Variants in PSMA8 observed in about 807,000 individuals in gnomAD.
PSMA8 encodes proteasome subunit alpha-type 8.
PSMA8 carries 18 observed loss-of-function variants against 32.4 expected under a neutral mutation model. The ratio of observed to expected loss-of-function variants is 0.56; its 90% CI spans 0.38 to 0.82. The LOEUF (loss-of-function observed/expected upper bound fraction) is 0.82, where lower values mean the gene tolerates loss of function less well. Ranked by LOEUF, PSMA8 falls within the 40% of genes least tolerant of loss-of-function variation. PSMA8 has a pLI of 0.00. For synonymous variants in PSMA8, 104 were observed against 98.1 expected, an observed-to-expected ratio of 1.06 and a Z score of -0.36; for missense variants, 298 against 300.7, an observed-to-expected ratio of 0.99 and a Z score of 0.07.
At chr18:26,147,758 T>C (rs189022960) in intron 2 of PSMA8, among the ~76,000 whole-genome samples, 1 of 151,786 alleles carries the variant, frequency 6.6e-6, no homozygotes, top group Non-Finnish European at 1.5e-5. Context: ...AAGAGAAAAA[T>C]AACAAAACCA....
rs751644388 is a variant in PSMA8 at position 26,178,844 on chromosome 18, C to A, written c.492C>A (p.Gly164=). The A allele has an allele frequency of 6.2e-7, 1 of 1,611,738 alleles. No homozygotes were observed. The highest frequency in any genetic ancestry group is 1.1e-5 in the South Asian group (1 of 90,240). Reference sequence around the variant, plus strand: ...TATTTTTCAAGGCAAATGCAATAGGCCGAAGTGCTAAAACTGTTCGAGAAT... The same window carrying A: ...TATTTTTCAAGGCAAATGCAATAGGACGAAGTGCTAAAACTGTTCGAGAAT... ...TYHAWKANAI[G]RSAKTVREFL... is the part of the protein sequence containing the mutation. The change falls in exon 5 of 7, where the codon GGC becomes GGA. Residue 164 remains glycine (G), a synonymous_variant. Coordinates refer to ENST00000415576, the MANE Select transcript of PSMA8 (RefSeq NM_001025096.2).
chr18:26,142,980 A>C (rs1486602917), intron 1 of PSMA8, among the ~76,000 whole-genome samples: 1 of 152,166 alleles, frequency 6.6e-6, no homozygotes, highest in African/African-American at 2.4e-5. Context: ...ACATGGGAAA[A>C]CTTTTACAGA....
intron 1 of PSMA8, among the ~76,000 whole-genome samples, chr18:26,142,198 C>T (rs1334347696): frequency 6.6e-6 from 1 of 151,970 alleles, no homozygotes; most frequent in Non-Finnish European, 1.5e-5. Flanking sequence ...CGCCACCACG[C>T]CCGGCTGATT....
At chr18:26,138,129 C>G (rs1197658199) in intron 1 of PSMA8, among the ~76,000 whole-genome samples, 2 of 152,152 alleles carry the variant, frequency 1.3e-5, no homozygotes, top group East Asian at 3.9e-4. Flanking sequence ...AATGAGAGAC[C>G]TTGAAGTGTT....
At chr18:26,164,297 TAAAAG>T (rs1158486546) in intron 4 of PSMA8, among the ~76,000 whole-genome samples, 1 of 151,886 alleles carries the variant, frequency 6.6e-6, no homozygotes, top group Non-Finnish European at 1.5e-5. Context: ...AGATAAATAA[TAAAAG>T]AAAAGGGGAG....
intron 6 of PSMA8, 32 bp from the exon 7 acceptor site, chr18:26,192,287 C>T (rs1224559865): frequency 2.1e-6 from 3 of 1,423,928 alleles, no homozygotes; most frequent in Non-Finnish European, 2.8e-6. Context: ...GTATAACTGA[C>T]ATTTGATCTT....
At chr18:26,151,409 A>G (rs1171021639) in intron 2 of PSMA8, among the ~76,000 whole-genome samples, 5 of 152,204 alleles carry the variant, frequency 3.3e-5, no homozygotes, top group African/African-American at 1.2e-4. Flanking sequence ...GTTGAGAATT[A>G]ATCACATGAT....
intron 6 of PSMA8, among the ~76,000 whole-genome samples, chr18:26,191,313 T>C (rs1042673816): frequency 3.9e-5 from 6 of 152,174 alleles, no homozygotes; most frequent in Non-Finnish European, 7.4e-5. Flanking sequence ...TATATAAATG[T>C]ATTAACTTCA....
chr18:26,176,817 C>A (rs2055267508), intron 4 of PSMA8, among the ~76,000 whole-genome samples: 1 of 152,090 alleles, frequency 6.6e-6, no homozygotes, highest in Admixed American at 6.6e-5. Flanking sequence ...CCTATAATCC[C>A]AGCTACTCGG....
rs2055062543 is a variant in PSMA8, at chr18:26,153,485, TCAA to T, written c.354+1506_354+1508del. Among the ~76,000 whole-genome samples, 2 of 152,246 alleles carry T rather than the reference TCAA, an allele frequency of 1.3e-5. 1 individual carries two copies. The highest frequency in any genetic ancestry group is 4.1e-4 in the South Asian group (2 of 4,832). On this transcript the variant is annotated intron_variant, in intron 3 of 6. Coordinates refer to ENST00000415576, the MANE Select transcript of PSMA8 (RefSeq NM_001025096.2). Reference sequence around the variant, plus strand: ...GTATAAATGTATCCTTGAAGAATCATCAACATTAGGTTTTTCATTGTTCTTTTA... The same window carrying T: ...GTATAAATGTATCCTTGAAGAATCATCATTAGGTTTTTCATTGTTCTTTTA...
At chr18:26,155,232 CA>C (rs202149601) in intron 3 of PSMA8, among the ~76,000 whole-genome samples, 1 of 148,670 alleles carries the variant, frequency 6.7e-6, no homozygotes, top group Admixed American at 6.7e-5. Context: ...GAGACTCTGT[CA>C]AAAAAAAAGA....
At chr18:26,134,359 G>GTCTC in intron 1 of PSMA8, among the ~76,000 whole-genome samples, 1 of 133,950 alleles carries the variant, frequency 7.5e-6, no homozygotes, top group African/African-American at 3.8e-5. Flanking sequence ...GTGTGTGTGT[G>GTCTC]TGTGTCTCTG....
chr18:26,187,077 G>A (rs2055361479), intron 6 of PSMA8, among the ~76,000 whole-genome samples: 1 of 152,226 alleles, frequency 6.6e-6, no homozygotes, highest in African/African-American at 2.4e-5. Context: ...GGGCACCGTG[G>A]TTCATGCCTG....
chr18:26,192,616 G>T lies in PSMA8; in HGVS notation c.*205G>T. The T allele has an allele frequency of 2.4e-6, 1 of 421,204 alleles. No individual in the cohort carries two copies. Among genetic ancestry groups the T allele is most frequent in the Non-Finnish European group, 3.7e-6 (1 of 270,710 alleles). 26.1% of individuals were successfully genotyped at this position (421,204 alleles called of 1,614,324 possible). A position where few individuals can be genotyped will look rare whatever the true frequency, so the allele number is the denominator to read the frequency against. Reference sequence around the variant, plus strand: ...TATGTGAAGATTTTCTTTGAAAGGGGATTTCAGTAATTGTTGAGAGCAGTC... The same window carrying T: ...TATGTGAAGATTTTCTTTGAAAGGGTATTTCAGTAATTGTTGAGAGCAGTC... On this transcript the variant is annotated 3_prime_UTR_variant, in exon 7 of 7. Transcript: ENST00000415576.
At position 26,158,479 on chromosome 18, in the gene PSMA8, C is replaced by T. The variant is rs182090741; in HGVS notation, c.477+235C>T. Among the ~76,000 whole-genome samples the T allele has an allele frequency of 4.7e-4, 72 of 152,174 alleles. No individual in the cohort carries two copies. In the East Asian group the frequency reaches 7.5e-3, roughly 16 times the overall value. ...GACCAAAGTAAGTGTTTATAAATGGCCAAGTAAGAGAAATATCCAGTTCCT... is the reference window on the plus strand; with the variant it reads ...GACCAAAGTAAGTGTTTATAAATGGTCAAGTAAGAGAAATATCCAGTTCCT... On this transcript the variant is annotated intron_variant, in intron 4 of 6. Coordinates refer to ENST00000415576, the MANE Select transcript of PSMA8 (RefSeq NM_001025096.2).
rs1480252220 is a variant in PSMA8 at position 26,193,170 on chromosome 18, A to G, written c.*759A>G. The G allele has an allele frequency of 6.6e-6, 1 of 152,304 alleles. No individual in the cohort carries two copies. The highest frequency in any genetic ancestry group is 3.4e-3 in the Middle Eastern group (1 of 294). 9.4% of individuals were successfully genotyped at this position (152,304 alleles called of 1,614,324 possible). On this transcript the variant is annotated 3_prime_UTR_variant, in exon 7 of 7. Coordinates refer to ENST00000415576, the MANE Select transcript of PSMA8 (RefSeq NM_001025096.2). ...GTCCAGTGTGTTCGGTTTGTTACATATTCCATGAAATATCTGAGTGTGTAT... is the reference window on the plus strand; with the variant it reads ...GTCCAGTGTGTTCGGTTTGTTACATGTTCCATGAAATATCTGAGTGTGTAT...
At chr18:26,163,250 T>TATATATATA (rs1555662107) in intron 4 of PSMA8, among the ~76,000 whole-genome samples, 41 of 94,550 alleles carry the variant, frequency 4.3e-4, no homozygotes, top group African/African-American at 1.6e-3. Context: ...TATATATATA[T>TATATATATA]ATATATATAT....
intron 1 of PSMA8, among the ~76,000 whole-genome samples, chr18:26,137,432 T>A (rs1484659153): frequency 1.3e-5 from 2 of 152,124 alleles, no homozygotes; most frequent in African/African-American, 4.8e-5. Flanking sequence ...TACTCCAGCC[T>A]GAGTGACAGA....
At chr18:26,180,822 G>T (rs2055305139) in intron 6 of PSMA8, among the ~76,000 whole-genome samples, 1 of 152,134 alleles carries the variant, frequency 6.6e-6, no homozygotes, top group African/African-American at 2.4e-5. Flanking sequence ...CTTTAGGATA[G>T]GCTATGTAGG....
Sources: gnomAD v4.1 joint callset for allele counts (sites outside exome capture counted in the v4.1 genomes callset) on GRCh38, gnomAD v4.1.1 for gene constraint, MANE v1.5 for transcripts, NCBI Gene and HGNC (gene_info 2026-07-23, HGNC 2026-07-21) for gene names.